Variants in RALGAPA2 observed in about 807,000 individuals in gnomAD.
RALGAPA2 encodes Ral GTPase activating protein catalytic subunit alpha 2.
A neutral mutation model predicts 230.4 loss-of-function variants in RALGAPA2; 139 were observed. The ratio of observed to expected loss-of-function variants is 0.60; its 90% confidence interval spans 0.53 to 0.69. The LOEUF is 0.69. Ranked by LOEUF, RALGAPA2 falls within the 30% of genes least tolerant of loss-of-function variation. The pLI, the probability that RALGAPA2 is intolerant of heterozygous loss-of-function variation, is 0.00. For synonymous variants in RALGAPA2, 847 were observed against 837.8 expected (o/e 1.01, Z -0.19); for missense variants, 2,163 against 2,276.0 (o/e 0.95, Z 1.01).
chr20:20,595,646 T>C (rs1188148248), intron 16 of RALGAPA2, among the ~76,000 whole-genome samples: 2 of 152,122 alleles, frequency 1.3e-5, no homozygotes, highest in Non-Finnish European at 2.9e-5. Context: ...TGTTTTAACC[T>C]AAAAAGCAGT....
chr20:20,554,797 C>G (rs1265169790), intron 23 of RALGAPA2, among the ~76,000 whole-genome samples: 1 of 152,130 alleles, frequency 6.6e-6, no homozygotes, highest in Non-Finnish European at 1.5e-5. Context: ...AGCCACCGTG[C>G]CTGGCTGTGT....
intron 20 of RALGAPA2, among the ~76,000 whole-genome samples, chr20:20,574,940 G>A (rs1238711071): frequency 1.3e-5 from 2 of 152,170 alleles, no homozygotes; most frequent in African/African-American, 4.8e-5. Context: ...CATGGTGCTT[G>A]AGTAGGCCAC....
intron 1 of RALGAPA2, among the ~76,000 whole-genome samples, chr20:20,682,738 A>T (rs1397812174): frequency 1.3e-5 from 2 of 152,206 alleles, no homozygotes; most frequent in East Asian, 3.8e-4. Flanking sequence ...CTAGCACAAT[A>T]TTTAGTTCAA....
At chr20:20,520,789 ACAGAGGACTC>A in intron 31 of RALGAPA2, 118 bp downstream of exon 31, 1 of 732,780 alleles carries the variant, frequency 1.4e-6, no homozygotes, top group Non-Finnish European at 2.0e-6. Context: ...ATTTGCCATC[ACAGAGGACTC>A]CAGGAACTAG....
intron 35 of RALGAPA2, 72 bp from the exon 36 acceptor site, chr20:20,495,347 T>C (rs961265933): frequency 3.8e-5 from 50 of 1,303,118 alleles, no homozygotes; most frequent in African/African-American, 9.0e-5. Flanking sequence ...GGCTTACAAA[T>C]TGAATTATAA....
chr20:20,524,133 CTTTTAGTAGAGATG>C (rs1023693540), intron 30 of RALGAPA2, among the ~76,000 whole-genome samples: 1 of 151,982 alleles, frequency 6.6e-6, no homozygotes, highest in Non-Finnish European at 1.5e-5. Context: ...ATTTTTTGTA[CTTTTAGTAGAGATG>C]GGGTTTCACC....
chr20:20,510,442 A>C (rs1005722560), intron 33 of RALGAPA2, among the ~76,000 whole-genome samples: 2 of 152,216 alleles, frequency 1.3e-5, no homozygotes, highest in African/African-American at 4.8e-5. Flanking sequence ...GAAGAGTTGA[A>C]AAATAAAATT....
At chr20:20,711,487 GA>G (rs2069865532) in intron 1 of RALGAPA2, among the ~76,000 whole-genome samples, 1 of 152,146 alleles carries the variant, frequency 6.6e-6, no homozygotes, top group Non-Finnish European at 1.5e-5. Context: ...AAAAAATACA[GA>G]AAACAAAACA....
intron 38 of RALGAPA2, among the ~76,000 whole-genome samples, chr20:20,400,980 T>A (rs2059821951): frequency 6.6e-6 from 1 of 152,160 alleles, no homozygotes; most frequent in South Asian, 2.1e-4. Flanking sequence ...AATGGGCAGG[T>A]CCATAGACAC....
intron 27 of RALGAPA2, among the ~76,000 whole-genome samples, chr20:20,530,998 C>T (rs1248438365): frequency 6.6e-6 from 1 of 152,120 alleles, no homozygotes; most frequent in Non-Finnish European, 1.5e-5. Flanking sequence ...TTAGAGGCAG[C>T]CTAACAGCAC....
chr20:20,676,316 C>T (rs746165871), intron 2 of RALGAPA2, 28 bp from the exon 3 acceptor site: 4 of 1,468,118 alleles, frequency 2.7e-6, no homozygotes, highest in Non-Finnish European at 3.8e-6. Context: ...AATTAGTTAT[C>T]ATGACATCAT....
intron 23 of RALGAPA2, among the ~76,000 whole-genome samples, chr20:20,552,409 C>T (rs1286542173): frequency 6.6e-6 from 1 of 152,138 alleles, no homozygotes; most frequent in Admixed American, 6.6e-5. Flanking sequence ...TAACTTTTTA[C>T]TTAAAGAAAA....
intron 4 of RALGAPA2, among the ~76,000 whole-genome samples, chr20:20,650,940 T>C (rs1468955511): frequency 6.6e-6 from 1 of 152,210 alleles, no homozygotes; most frequent in African/African-American, 2.4e-5. Context: ...CTGAAGTTCT[T>C]CTGTGTAAGT....
chr20:20,465,197 A>ACACACACACACACACTCT lies in RALGAPA2; in HGVS notation c.5495+7631_5495+7632insAGAGTGTGTGTGTGTGTG, dbSNP rs772089136. 1.2e-4 allele frequency among the ~76,000 whole-genome samples: 17 copies of ACACACACACACACACTCT among 147,438 alleles called. No homozygotes were observed. The East Asian group carries it at 1.4e-3, about 13-fold the overall frequency. On this transcript the variant is annotated intron_variant, in intron 37 of 39. Coordinates refer to ENST00000202677, the MANE Select transcript of RALGAPA2 (RefSeq NM_020343.4). Reference sequence around the variant, plus strand: ...CACACACACACACACACACACACACACTCTCTCATACTAGGGGACAGCAGC... The same window carrying ACACACACACACACACTCT: ...CACACACACACACACACACACACACACACACACACACACACTCTCTCTCTCATACTAGGGGACAGCAGC...
chr20:20,543,285 T>C (rs909585674), intron 24 of RALGAPA2, among the ~76,000 whole-genome samples: 10 of 152,122 alleles, frequency 6.6e-5, no homozygotes, highest in Admixed American at 5.2e-4. Flanking sequence ...GACCTGATGA[T>C]CTGTCTGCCC....
At chr20:20,659,179 C>T (rs2067688346) in intron 3 of RALGAPA2, among the ~76,000 whole-genome samples, 1 of 152,166 alleles carries the variant, frequency 6.6e-6, no homozygotes, top group African/African-American at 2.4e-5. Context: ...TTAAAGAAAA[C>T]ATTCTGTGAA....
At chr20:20,607,690 C>T (rs924809559) in intron 14 of RALGAPA2, among the ~76,000 whole-genome samples, 2 of 152,106 alleles carry the variant, frequency 1.3e-5, no homozygotes, top group Non-Finnish European at 2.9e-5. Context: ...TTGGATATAG[C>T]GCCAGCTTCA....
intron 39 of RALGAPA2, among the ~76,000 whole-genome samples, chr20:20,394,623 C>T (rs1351689995): frequency 2.5e-5 from 1 of 40,676 alleles, no homozygotes; most frequent in South Asian, 8.2e-4. Context: ...AAAGTGAGAC[C>T]CAGTCTCAAA....
chr20:20,708,774 C>G (rs1175345321), intron 1 of RALGAPA2, among the ~76,000 whole-genome samples: 1 of 152,152 alleles, frequency 6.6e-6, no homozygotes, highest in African/African-American at 2.4e-5. Context: ...ATATACCTGA[C>G]CATCTAATTA....
Sources: allele counts gnomAD v4.1 joint callset (sites outside exome capture counted in the v4.1 genomes callset), GRCh38; gene constraint gnomAD v4.1.1; transcripts MANE v1.5; gene names NCBI Gene and HGNC (gene_info 2026-07-23, HGNC 2026-07-21).